The following CEP120 variants were observed in gnomAD, a reference collection of about 807,000 sequenced individuals.
The protein encoded by CEP120 is centrosomal protein of 120 kDa.
A neutral mutation model predicts 126.5 loss-of-function variants in CEP120; 113 were observed. The observed-to-expected ratio is 0.89, with a 90% CI of 0.77 to 1.04. The LOEUF (loss-of-function observed/expected upper bound fraction) is 1.04. Among genes scored for constraint, CEP120 ranks in the 50% least tolerant of loss-of-function variants. The pLI is 0.00. For synonymous variants in CEP120, 400 were observed against 394.3 expected, an observed-to-expected ratio of 1.01 and a Z score of -0.17; for missense variants, 1,230 against 1,155.7, an observed-to-expected ratio of 1.06 and a Z score of -0.93.
At chr5:123,370,245 A>G (rs1770757492) in intron 17 of CEP120, among the ~76,000 whole-genome samples, 1 of 152,022 alleles carries the variant, frequency 6.6e-6, no homozygotes, top group African/African-American at 2.4e-5. Context: ...TCCTAGAGGA[A>G]TCTATTCCAC....
intron 6 of CEP120, 67 bp downstream of exon 6, chr5:123,393,228 CGTTTA>C: frequency 7.5e-7 from 1 of 1,331,574 alleles, no homozygotes; most frequent in Non-Finnish European, 1.1e-6. Flanking sequence ...ACTAAACTCT[CGTTTA>C]GTTTAGGTAC....
intron 7 of CEP120, chr5:123,390,387 T>G (rs1772315024): frequency 1.8e-6 from 1 of 562,834 alleles, no homozygotes; most frequent in African/African-American, 1.9e-5. Context: ...GAAGGGATAT[T>G]TGAGAAAAGA....
chr5:123,394,917 C>T (rs372614950), intron 5 of CEP120, among the ~76,000 whole-genome samples: 4 of 152,162 alleles, frequency 2.6e-5, no homozygotes, highest in Admixed American at 6.5e-5. Context: ...TGTGTATGCA[C>T]TTGTTTTAGG....
intron 17 of CEP120, among the ~76,000 whole-genome samples, chr5:123,371,159 C>A (rs1275135511): frequency 6.6e-6 from 1 of 152,028 alleles, no homozygotes; most frequent in Non-Finnish European, 1.5e-5. Context: ...AATGTTCCAA[C>A]ATTTGAAACT....
At chr5:123,362,661 A>T (rs112015324) in intron 18 of CEP120, among the ~76,000 whole-genome samples, 2 of 151,724 alleles carry the variant, frequency 1.3e-5, no homozygotes, top group African/African-American at 4.8e-5. Flanking sequence ...TTGCTCTAAC[A>T]GTATCATCAT....
intron 11 of CEP120, 33 bp downstream of exon 11, chr5:123,384,918 A>G (rs1771915312): frequency 6.5e-7 from 1 of 1,535,986 alleles, no homozygotes; most frequent in Non-Finnish European, 8.8e-7. Context: ...AATTGAAAAG[A>G]AAAGCAAATA....
chr5:123,388,592 G>A lies in CEP120; in HGVS notation c.1270C>T (p.Pro424Ser). 1 of 1,574,200 alleles carries A rather than the reference G, an allele frequency of 6.4e-7. No homozygotes were observed. The highest frequency in any genetic ancestry group is 8.6e-7 in the Non-Finnish European group (1 of 1,165,466). ...KPNPKASSSV[P>S]ASLAQLVTTS... ...GTCACTAGCTGGGCCAGTGAAGCAG[G>A]TACAGAAGAACTGGCTGAAATGAAC... Residue 424 changes from proline (P) to serine (S), a missense_variant, in exon 9 of 20, where the codon CCT (proline) becomes TCT (serine). Physicochemically the swap from Pro to Ser is moderately conservative, Grantham distance 74. Transcript: ENST00000306467.
chr5:123,381,763 A>T, intron 14 of CEP120, among the ~76,000 whole-genome samples: 1 of 123,152 alleles, frequency 8.1e-6, no homozygotes, highest in East Asian at 2.6e-4. Flanking sequence ...ATACACACAC[A>T]CATATTTTTT....
At position 123,366,920 on chromosome 5, in the gene CEP120, C is replaced by G. The variant is rs1017190212; in HGVS notation, c.2482-2326G>C. Among the ~76,000 whole-genome samples the G allele has an allele frequency of 1.4e-4, 22 of 151,928 alleles. 1 individual carries two copies. The East Asian group carries it at 1.6e-3, about 11-fold the overall frequency. On this transcript the variant is annotated intron_variant, in intron 17 of 19. Coordinates refer to ENST00000306467, the MANE Select transcript of CEP120 (RefSeq NM_001375405.1). The stretch of plus-strand genomic sequence containing the variant: ...CAGGTTTGTGTCCCCTGTGCCTTCC[C>G]TACTCCTTGCCCAATTTACTTCCTG...
At chr5:123,366,740 T>A (rs1417325732) in intron 17 of CEP120, among the ~76,000 whole-genome samples, 1 of 151,956 alleles carries the variant, frequency 6.6e-6, no homozygotes, top group African/African-American at 2.4e-5. Flanking sequence ...TATCTACTAA[T>A]CTTGTAAAAA....
chr5:123,344,944 C>T lies in CEP120; in HGVS notation c.*1575G>A, dbSNP rs1490361491. On this transcript the variant is annotated 3_prime_UTR_variant, in exon 20 of 20. Coordinates refer to ENST00000306467, the MANE Select transcript of CEP120 (RefSeq NM_001375405.1). ...AGTTACAATAGCCAAAAGAGCTTTACAAAAGGCAAAATAAACTACACATCC... is the reference window on the plus strand; with the variant it reads ...AGTTACAATAGCCAAAAGAGCTTTATAAAAGGCAAAATAAACTACACATCC... The T allele has an allele frequency of 3.3e-5, 5 of 152,102 alleles. No homozygotes were observed. The highest frequency in any genetic ancestry group is 4.8e-5 in the African/African-American group (2 of 41,398). The allele number at this position is 152,102 out of a possible 1,614,324, so 9.4% of individuals were successfully genotyped here.
At chr5:123,372,193 G>A (rs1046123507) in intron 17 of CEP120, among the ~76,000 whole-genome samples, 1 of 152,034 alleles carries the variant, frequency 6.6e-6, no homozygotes, top group Non-Finnish European at 1.5e-5. Context: ...GGTGATACAC[G>A]GAGAGAATAT....
chr5:123,423,169 C>G lies in CEP120; in HGVS notation c.-171G>C. 4.9e-6 allele frequency: 3 copies of G among 617,946 alleles called. No individual in the cohort carries two copies. In the South Asian group the frequency reaches 5.6e-5, roughly 12 times the overall value. The allele number at this position is 617,946 out of a possible 1,614,324, so 38.3% of individuals were successfully genotyped here. A position where few individuals can be genotyped will look rare whatever the true frequency, so the allele number is the denominator to read the frequency against. On this transcript the variant is annotated 5_prime_UTR_variant, in exon 1 of 20. Coordinates refer to ENST00000306467, the MANE Select transcript of CEP120 (RefSeq NM_001375405.1). ...CCGCCGTCTGCTGCAGCGCGCCCGG[C>G]TCCTCTGCCTCGGGCCGCCAGCCCA...
chr5:123,397,277 T>C (rs1482748080), intron 5 of CEP120, among the ~76,000 whole-genome samples: 3 of 152,232 alleles, frequency 2.0e-5, no homozygotes, highest in East Asian at 1.9e-4. Context: ...TGAGCTGAGA[T>C]TGCACCATTG....
chr5:123,419,755 A>T (rs1329168188), intron 1 of CEP120, among the ~76,000 whole-genome samples: 1 of 152,212 alleles, frequency 6.6e-6, no homozygotes. Flanking sequence ...GTATTTTATC[A>T]GATGGTGGGG....
intron 18 of CEP120, among the ~76,000 whole-genome samples, chr5:123,356,755 T>A (rs991546026): frequency 7.9e-5 from 12 of 152,106 alleles, no homozygotes; most frequent in African/African-American, 2.9e-4. Flanking sequence ...AACATTTCAC[T>A]CTCTCTCTTT....
At chr5:123,418,918 G>A (rs1383253197) in intron 1 of CEP120, among the ~76,000 whole-genome samples, 2 of 152,138 alleles carry the variant, frequency 1.3e-5, no homozygotes, top group Non-Finnish European at 2.9e-5. Flanking sequence ...GATCTGTTAA[G>A]TGTGGTTGAC....
At chr5:123,352,707 TA>T (rs1182605061) in intron 18 of CEP120, among the ~76,000 whole-genome samples, 1 of 151,780 alleles carries the variant, frequency 6.6e-6, no homozygotes, top group East Asian at 1.9e-4. Flanking sequence ...TTTCTAAGGC[TA>T]AAAAAAACCT....
At chr5:123,403,856 C>G (rs1237583530) in intron 4 of CEP120, 1 of 223,130 alleles carries the variant, frequency 4.5e-6, no homozygotes, top group East Asian at 1.5e-4. Context: ...GATCAAGGAA[C>G]TATTTCAGAA....
Sources: gnomAD v4.1 joint callset for allele counts (sites outside exome capture counted in the v4.1 genomes callset) on GRCh38, gnomAD v4.1.1 for gene constraint, MANE v1.5 for transcripts, NCBI Gene and HGNC (gene_info 2026-07-23, HGNC 2026-07-21) for gene names.